RBFOX1: variants seen among roughly 807,000 people sequenced by gnomAD.
RBFOX1 encodes RNA binding fox-1 homolog 1.
Under a neutral mutation model 57.7 loss-of-function variants are expected in RBFOX1, and 8 were observed. That is an observed-to-expected ratio of 0.14 (90% confidence interval 0.08 to 0.25). The LOEUF (loss-of-function observed/expected upper bound fraction) is 0.25. RBFOX1 is among the 10% of genes least tolerant of loss of function. RBFOX1 has a pLI of 1.00. For synonymous variants in RBFOX1, 326 were observed against 222.4 expected (o/e 1.47, Z -4.15); for missense variants, 611 against 548.5 (o/e 1.11, Z -1.14).
At chr16:6,489,317 G>A (rs1297080142) in intron 2 of RBFOX1, among the ~76,000 whole-genome samples, 1 of 152,110 alleles carries the variant, frequency 6.6e-6, no homozygotes, top group African/African-American at 2.4e-5. Flanking sequence ...TTGGCACATA[G>A]GTTTATTGGT....
intron 2 of RBFOX1, among the ~76,000 whole-genome samples, chr16:6,539,244 C>T (rs1220551660): frequency 6.6e-6 from 1 of 152,122 alleles, no homozygotes; most frequent in Non-Finnish European, 1.5e-5. Flanking sequence ...AATTATGCCA[C>T]TTGGTAGTGT....
At chr16:7,160,880 G>A (rs1036948435) in intron 4 of RBFOX1, among the ~76,000 whole-genome samples, 4 of 145,372 alleles carry the variant, frequency 2.8e-5, no homozygotes, top group African/African-American at 1.0e-4. Flanking sequence ...GTTCAATCTT[G>A]GAAGCTTTCC....
intron 1 of RBFOX1, among the ~76,000 whole-genome samples, chr16:5,461,057 C>G (rs564087769): frequency 6.6e-6 from 1 of 152,062 alleles, no homozygotes; most frequent in Non-Finnish European, 1.5e-5. Flanking sequence ...GTGGGGGTCC[C>G]GTCATTTCCA....
rs534292321 is a variant in RBFOX1 at position 6,976,147 on chromosome 16, C to CA, written c.-15-75903dup. ...GTCTCAAAAAGGAAAAAGAAACAAA[C>CA]AAAAAAACTAGCATTAACTGGTGCT... On this transcript the variant is annotated intron_variant, in intron 3 of 15. Transcript: ENST00000550418. 2.5e-3 allele frequency among the ~76,000 whole-genome samples: 378 copies of CA among 151,718 alleles called. 3 individuals are homozygous for CA. The highest frequency in any genetic ancestry group is 8.9e-3 in the African/African-American group (368 of 41,440).
chr16:5,454,958 C>CTTTTT (rs1567535928), intron 1 of RBFOX1, among the ~76,000 whole-genome samples: 12 of 30,382 alleles, frequency 3.9e-4, no homozygotes, highest in Non-Finnish European at 5.3e-4. Context: ...TTCCTTCCTT[C>CTTTTT]CTTTCTTTCT....
chr16:6,253,890 C>T (rs56354361), intron 1 of RBFOX1, among the ~76,000 whole-genome samples: 89,201 of 151,614 alleles, frequency 0.59, 28,778 homozygotes, highest in East Asian at 0.81. Context: ...CCCGTCACAA[C>T]AGCAATTGGA....
intron 3 of RBFOX1, among the ~76,000 whole-genome samples, chr16:7,042,860 A>G (rs1379887746): frequency 1.3e-5 from 2 of 152,190 alleles, no homozygotes; most frequent in Admixed American, 1.3e-4. Flanking sequence ...TGGGAGGTGG[A>G]GGTTTCAGTG....
At chr16:7,510,246 T>C (rs2074660534) in intron 4 of RBFOX1, 3 of 985,718 alleles carry the variant, frequency 3.0e-6, no homozygotes, top group African/African-American at 1.7e-5. Flanking sequence ...GGGCAGATGC[T>C]TTGTGGTGTG....
rs141743964 is a variant in RBFOX1 at position 6,966,434 on chromosome 16, C to G, written c.-15-85623C>G. ...ACCCTGGGGGGTCTTCCAGAGGTCC[C>G]TGGGCGAGGTGGAGGGGTGAGCTCA... On this transcript the variant is annotated intron_variant, in intron 3 of 15. Coordinates refer to ENST00000550418, the MANE Select transcript of RBFOX1 (RefSeq NM_018723.4). Among the ~76,000 whole-genome samples the G allele has an allele frequency of 1.6e-3, 240 of 152,202 alleles. 2 individuals carry two copies. Among genetic ancestry groups the G allele is most frequent in the African/African-American group, 5.7e-3 (237 of 41,530 alleles).
intron 3 of RBFOX1, among the ~76,000 whole-genome samples, chr16:5,634,086 A>C (rs1479145653): frequency 6.6e-6 from 1 of 152,218 alleles, no homozygotes; most frequent in African/African-American, 2.4e-5. Context: ...TCTGAGGTCC[A>C]ACTTCCAAAT....
At chr16:7,531,679 A>T (rs1172095919) in intron 5 of RBFOX1, among the ~76,000 whole-genome samples, 1 of 152,218 alleles carries the variant, frequency 6.6e-6, no homozygotes. Context: ...ACTGAGGCAC[A>T]GGTATGAAGC....
At chr16:7,245,018 C>G (rs935843451) in intron 4 of RBFOX1, among the ~76,000 whole-genome samples, 3 of 152,104 alleles carry the variant, frequency 2.0e-5, no homozygotes, top group Admixed American at 6.5e-5. Context: ...CAGCTGCATA[C>G]CATTTTCATG....
In RBFOX1 at chr16:6,479,842, G is replaced by A. The variant is rs563274268; in HGVS notation, c.-64+162785G>A. ...AGGCAGGCAGATCATTTGAGGTCAG[G>A]AGCTTGAGACCAGCCTGACCAACAT... On this transcript the variant is annotated intron_variant, in intron 2 of 15. Coordinates refer to ENST00000550418, the MANE Select transcript of RBFOX1 (RefSeq NM_018723.4). 6.6e-5 allele frequency among the ~76,000 whole-genome samples: 10 copies of A among 152,048 alleles called. No individual in the cohort carries two copies. The East Asian group carries it at 1.4e-3, about 21-fold the overall frequency.
At chr16:7,054,294 C>T (rs2051257822) in intron 4 of RBFOX1, among the ~76,000 whole-genome samples, 1 of 71,808 alleles carries the variant, frequency 1.4e-5, no homozygotes, top group Non-Finnish European at 3.1e-5. Flanking sequence ...TGCTGGAGTG[C>T]CGTGGCGCAA....
intron 1 of RBFOX1, among the ~76,000 whole-genome samples, chr16:6,239,583 C>A (rs1166993030): frequency 6.7e-6 from 1 of 149,240 alleles, no homozygotes; most frequent in Middle Eastern, 3.3e-3. Flanking sequence ...ACTGCATCCT[C>A]CGCCACCTGG....
At chr16:6,216,044 C>T (rs12932511) in intron 1 of RBFOX1, among the ~76,000 whole-genome samples, 52,480 of 151,924 alleles carry the variant, frequency 0.35, 9,344 homozygotes, top group South Asian at 0.51. Context: ...AAACCAAATA[C>T]TGCATGTTCT....
chr16:5,789,949 A>T (rs1555528071), intron 3 of RBFOX1, among the ~76,000 whole-genome samples: 1 of 152,206 alleles, frequency 6.6e-6, no homozygotes, highest in Admixed American at 6.5e-5. Context: ...GGTGGCTGCT[A>T]TAACAGATAG....
intron 2 of RBFOX1, among the ~76,000 whole-genome samples, chr16:5,481,796 C>G (rs1053939885): frequency 2.0e-5 from 3 of 152,190 alleles, no homozygotes; most frequent in African/African-American, 4.8e-5. Context: ...TCTGAGCCCT[C>G]TCTCTGTGGC....
intron 4 of RBFOX1, among the ~76,000 whole-genome samples, chr16:7,059,025 T>G (rs536724822): frequency 6.6e-6 from 1 of 152,322 alleles, no homozygotes; most frequent in East Asian, 1.9e-4. Context: ...ATTTGCCAGT[T>G]ACAAGCGAGT....
Sources: gnomAD v4.1 joint callset for allele counts (sites outside exome capture counted in the v4.1 genomes callset) on GRCh38, gnomAD v4.1.1 for gene constraint, MANE v1.5 for transcripts, NCBI Gene and HGNC (gene_info 2026-07-23, HGNC 2026-07-21) for gene names.